Variants in HSD17B4 observed in about 807,000 individuals in gnomAD.
The protein encoded by HSD17B4 is hydroxysteroid 17-beta dehydrogenase 4.
In HSD17B4, 70 loss-of-function variants were observed where a neutral mutation model predicts 101.0. The ratio of observed to expected loss-of-function variants is 0.69; its 90% CI spans 0.57 to 0.85. The LOEUF (loss-of-function observed/expected upper bound fraction) is 0.85. Ranked by LOEUF, HSD17B4 falls within the 40% of genes least tolerant of loss-of-function variation. HSD17B4 has a pLI of 0.00. For synonymous variants in HSD17B4, 347 were observed against 297.1 expected (o/e 1.17, Z -1.73); for missense variants, 984 against 892.4 (o/e 1.10, Z -1.31).
chr5:119,487,334 G>T (rs781208119), intron 8 of HSD17B4: 1 of 148,906 alleles, frequency 6.7e-6, no homozygotes, highest in Non-Finnish European at 1.5e-5. Context: ...GTATTCCTCA[G>T]AGTACTTGGC....
chr5:119,522,687 A>T (rs1753225260), intron 17 of HSD17B4, among the ~76,000 whole-genome samples: 1 of 152,124 alleles, frequency 6.6e-6, no homozygotes, highest in Admixed American at 6.6e-5. Context: ...TTTTATTTTT[A>T]AAAATAAAAT....
At chr5:119,478,249 G>C (rs1400492156) in intron 7 of HSD17B4, 4 of 154,752 alleles carry the variant, frequency 2.6e-5, no homozygotes, top group Non-Finnish European at 4.3e-5. Flanking sequence ...CATGTCCTCT[G>C]TTGCACTCTA....
intron 1 of HSD17B4, among the ~76,000 whole-genome samples, chr5:119,455,673 C>T (rs1754558298): frequency 6.6e-6 from 1 of 151,646 alleles, no homozygotes; most frequent in Non-Finnish European, 1.5e-5. Context: ...AGTCAGGGTT[C>T]ACTGTGGGAT....
At chr5:119,498,096 T>G (rs1235877089) in intron 12 of HSD17B4, among the ~76,000 whole-genome samples, 2 of 152,238 alleles carry the variant, frequency 1.3e-5, no homozygotes, top group South Asian at 4.1e-4. Flanking sequence ...TGTTCCTGTT[T>G]GTATTCTTTC....
chr5:119,456,495 C>T, intron 2 of HSD17B4, 127 bp downstream of exon 2: 1 of 751,380 alleles, frequency 1.3e-6, no homozygotes, highest in African/African-American at 1.8e-5. Flanking sequence ...TTACTTTTGC[C>T]AGAAGGTTTT....
At chr5:119,466,618 A>G (rs1226737736) in intron 2 of HSD17B4, among the ~76,000 whole-genome samples, 1 of 151,490 alleles carries the variant, frequency 6.6e-6, no homozygotes, top group East Asian at 1.9e-4. Context: ...GATCTTTTTT[A>G]TTTCTGTGGT....
At chr5:119,468,751 A>T (rs1756057485) in intron 2 of HSD17B4, among the ~76,000 whole-genome samples, 1 of 151,406 alleles carries the variant, frequency 6.6e-6, no homozygotes, top group African/African-American at 2.4e-5. Context: ...TTGTTTACTT[A>T]ATGGTGTCCC....
intron 2 of HSD17B4, among the ~76,000 whole-genome samples, chr5:119,457,528 C>A (rs1234647443): frequency 6.6e-6 from 1 of 152,210 alleles, no homozygotes; most frequent in Non-Finnish European, 1.5e-5. Flanking sequence ...ATCCAATCTG[C>A]TTCTTCTGGC....
At chr5:119,521,113 G>A (rs1177135289) in intron 17 of HSD17B4, among the ~76,000 whole-genome samples, 3 of 152,134 alleles carry the variant, frequency 2.0e-5, no homozygotes, top group African/African-American at 7.2e-5. Context: ...TGTGTATAGT[G>A]TTGCCTTGGT....
intron 13 of HSD17B4, 69 bp downstream of exon 13, chr5:119,499,622 T>TTA: frequency 1.1e-5 from 9 of 844,242 alleles, no homozygotes; most frequent in Admixed American, 1.0e-4. Context: ...ATGTCATATC[T>TTA]TATATATATG....
At chr5:119,498,640 G>A (rs1388778172) in intron 12 of HSD17B4, among the ~76,000 whole-genome samples, 1 of 152,186 alleles carries the variant, frequency 6.6e-6, no homozygotes, top group East Asian at 1.9e-4. Context: ...CACTTTGGGA[G>A]GCCGAGGTGG....
At chr5:119,460,634 T>A (rs948832671) in intron 2 of HSD17B4, among the ~76,000 whole-genome samples, 2 of 152,236 alleles carry the variant, frequency 1.3e-5, no homozygotes, top group Non-Finnish European at 2.9e-5. Flanking sequence ...ATCTAACATG[T>A]ATTTATTAAG....
intron 4 of HSD17B4, among the ~76,000 whole-genome samples, chr5:119,474,852 A>G (rs931264017): frequency 6.6e-6 from 1 of 152,152 alleles, no homozygotes; most frequent in Non-Finnish European, 1.5e-5. Flanking sequence ...ATATCTTGCA[A>G]ATTACTTAAG....
At chr5:119,467,562 C>T (rs1755933108) in intron 2 of HSD17B4, among the ~76,000 whole-genome samples, 1 of 152,094 alleles carries the variant, frequency 6.6e-6, no homozygotes, top group Non-Finnish European at 1.5e-5. Context: ...TTTCTCTTTG[C>T]ACTGTTTTTG....
intron 8 of HSD17B4, among the ~76,000 whole-genome samples, chr5:119,479,562 G>C (rs891440689): frequency 6.6e-6 from 1 of 152,160 alleles, no homozygotes; most frequent in South Asian, 2.1e-4. Context: ...ATAAAGTTAT[G>C]TATCCACTGT....
At position 119,477,451 on chromosome 5, in the gene HSD17B4, C is replaced by G; in HGVS notation, c.384C>G (p.Phe128Leu). 1 of 1,612,586 alleles carries G rather than the reference C, an allele frequency of 6.2e-7. No homozygotes were observed. Among genetic ancestry groups the G allele is most frequent in the Non-Finnish European group, 8.5e-7 (1 of 1,178,852 alleles). ...ACAGAGTTCATTTGCGGGGTTCATT[C>G]CAAGTGACACGGGCAGCATGGGAAC... ...IIHRVHLRGSFQVTRAAWEHM... is the reference protein window; with the variant it reads ...IIHRVHLRGSLQVTRAAWEHM... The change falls in exon 7 of 24, where the codon TTC becomes TTG. Residue 128 changes from phenylalanine to leucine, a missense_variant. By Grantham distance (22) the Phe-to-Leu change is conservative (BLOSUM62 0). Coordinates refer to ENST00000510025, the MANE Select transcript of HSD17B4 (RefSeq NM_000414.4).
chr5:119,524,260 C>T (rs1264447888), intron 17 of HSD17B4, among the ~76,000 whole-genome samples: 3 of 151,854 alleles, frequency 2.0e-5, no homozygotes, highest in African/African-American at 7.3e-5. Flanking sequence ...TTATACAAAG[C>T]ATATTAAAAA....
intron 16 of HSD17B4, among the ~76,000 whole-genome samples, chr5:119,513,616 T>G (rs1315657517): frequency 6.6e-6 from 1 of 152,194 alleles, no homozygotes; most frequent in Non-Finnish European, 1.5e-5. Flanking sequence ...AATCCTGACC[T>G]CAGGTGTCCC....
chr5:119,463,401 T>C (rs1371671207), intron 2 of HSD17B4, among the ~76,000 whole-genome samples: 1 of 152,162 alleles, frequency 6.6e-6, no homozygotes, highest in Non-Finnish European at 1.5e-5. Flanking sequence ...CATATGGTAG[T>C]TCTGTTTTTA....
Sources: gnomAD v4.1 joint callset for allele counts (sites outside exome capture counted in the v4.1 genomes callset) on GRCh38, gnomAD v4.1.1 for gene constraint, MANE v1.5 for transcripts, NCBI Gene and HGNC (gene_info 2026-07-23, HGNC 2026-07-21) for gene names.